Variants in ARHGEF7 observed in about 807,000 individuals in gnomAD.
ARHGEF7 encodes the protein PAK-interacting exchange factor beta.
A neutral mutation model predicts 109.8 loss-of-function variants in ARHGEF7; 33 were observed. The ratio of observed to expected loss-of-function variants is 0.30; its 90% CI spans 0.23 to 0.40. The LOEUF is 0.40. Among genes scored for constraint, ARHGEF7 ranks in the 10% least tolerant of loss-of-function variants. The pLI is 1.00. For synonymous variants in ARHGEF7, 458 were observed against 424.6 expected, an observed-to-expected ratio of 1.08 and a Z score of -0.97; for missense variants, 938 against 1,098.5, an observed-to-expected ratio of 0.85 and a Z score of 2.07.
At chr13:111,200,475 A>T (rs555977455) in intron 2 of ARHGEF7, among the ~76,000 whole-genome samples, 1 of 147,626 alleles carries the variant, frequency 6.8e-6, no homozygotes, top group African/African-American at 2.5e-5. Flanking sequence ...TTGACAATAC[A>T]CTGTGTCAGA....
chr13:111,280,750 TC>T, intron 15 of ARHGEF7, 73 bp downstream of exon 15: 4 of 1,381,900 alleles, frequency 2.9e-6, no homozygotes, highest in Non-Finnish European at 3.8e-6. Flanking sequence ...CAGCAAGTGA[TC>T]AGTTGCTTTA....
Position 111,266,640 on chromosome 13 carries a change from G to A in ARHGEF7, c.951-908G>A, listed in dbSNP as rs1156769334. On this transcript the variant is annotated intron_variant, in intron 8 of 21. Transcript: ENST00000646102. The surrounding 1 kb of genome is among the most constrained non-coding windows in gnomAD (Gnocchi z 4.8). Reference sequence around the variant, plus strand: ...CTTTGGAAGTGCTGTCCGAGAGTTGGGACTGGTTGACTCTTGTTTTCTGTA... The same window carrying A: ...CTTTGGAAGTGCTGTCCGAGAGTTGAGACTGGTTGACTCTTGTTTTCTGTA... 1.3e-5 allele frequency among the ~76,000 whole-genome samples: 2 copies of A among 152,054 alleles called. No homozygotes were observed. Among genetic ancestry groups the A allele is most frequent in the African/African-American group, 4.8e-5 (2 of 41,386 alleles).
At chr13:111,281,376 G>A (rs950672733) in intron 15 of ARHGEF7, among the ~76,000 whole-genome samples, 9 of 151,890 alleles carry the variant, frequency 5.9e-5, no homozygotes. Context: ...TGACACAGGC[G>A]TTTTCTGCTT....
intron 1 of ARHGEF7, among the ~76,000 whole-genome samples, chr13:111,135,523 G>T (rs1002465429): frequency 2.0e-5 from 3 of 152,160 alleles, no homozygotes; most frequent in African/African-American, 7.2e-5. Flanking sequence ...CACATCCCTT[G>T]TAAGTTGGAA....
chr13:111,280,143 G>A (rs2092703679), intron 13 of ARHGEF7, 129 bp from the exon 14 acceptor site: 2 of 905,146 alleles, frequency 2.2e-6, no homozygotes, highest in South Asian at 1.8e-5. Flanking sequence ...CTACAAATGA[G>A]CTTTTTTTGG....
intron 2 of ARHGEF7, among the ~76,000 whole-genome samples, chr13:111,157,148 A>G (rs2153384258): frequency 6.6e-6 from 1 of 152,304 alleles, no homozygotes; most frequent in East Asian, 1.9e-4. Context: ...AGTCGCATTT[A>G]TTGGTAAACT....
rs2087412952 is a variant in ARHGEF7 at position 111,239,596 on chromosome 13, A to G, written c.760-4276A>G. ...CTCCACCTCAATGAAGATTTCTGTT[A>G]AATCTTTTGACTCCTGAAGTCTCTG... On this transcript the variant is annotated intron_variant, in intron 6 of 21. Transcript: ENST00000646102. The surrounding 1 kb of genome is among the most constrained non-coding windows in gnomAD (Gnocchi z 4.3). 6.6e-6 allele frequency among the ~76,000 whole-genome samples: 1 copy of G among 152,006 alleles called. No individual in the cohort carries two copies. The highest frequency in any genetic ancestry group is 6.5e-5 in the Admixed American group (1 of 15,270).
At chr13:111,193,311 G>A (rs545955243) in intron 2 of ARHGEF7, among the ~76,000 whole-genome samples, 6 of 152,310 alleles carry the variant, frequency 3.9e-5, no homozygotes, top group East Asian at 1.9e-4. Context: ...GGGTCCTTCC[G>A]TAGGTATTTC....
rs1032267883 is a variant in ARHGEF7, at chr13:111,173,628, A to G, written c.252+19637A>G. On this transcript the variant is annotated intron_variant, in intron 2 of 21. Coordinates refer to ENST00000646102, the MANE Select transcript of ARHGEF7 (RefSeq NM_001354046.2). ...GGATTGCTTTCCCAGGAGGTTGGCA[A>G]TTTGGAAAGCACATTTTGGATGTGC... 3.3e-5 allele frequency among the ~76,000 whole-genome samples: 5 copies of G among 152,204 alleles called. No homozygotes were observed. In the South Asian group the frequency reaches 1.0e-3, roughly 32 times the overall value.
At position 111,241,149 on chromosome 13, in the gene ARHGEF7, G is replaced by C. The variant is rs577192637; in HGVS notation, c.760-2723G>C. The C allele has an allele frequency of 2.0e-5, 30 of 1,532,882 alleles. No individual in the cohort carries two copies. The South Asian group carries it at 3.6e-4, about 18-fold the overall frequency. 95.0% of individuals were successfully genotyped at this position (1,532,882 alleles called of 1,614,324 possible). A position where few individuals can be genotyped will look rare whatever the true frequency, so the allele number is the denominator to read the frequency against. ...CGTGACCCCCGGGAAGCTGGCACTG[G>C]CTGAGCTCAGCTCTGTGGGCCTTTC... On this transcript the variant is annotated intron_variant, in intron 6 of 21. Transcript: ENST00000646102.
At chr13:111,184,601 G>A (rs1260466983) in intron 2 of ARHGEF7, among the ~76,000 whole-genome samples, 2 of 152,232 alleles carry the variant, frequency 1.3e-5, no homozygotes, top group Admixed American at 6.5e-5. Context: ...TTTATAGGCA[G>A]CATCCAGGGC....
chr13:111,152,474 A>C (rs1201975182), intron 1 of ARHGEF7, among the ~76,000 whole-genome samples: 1 of 152,264 alleles, frequency 6.6e-6, no homozygotes, highest in African/African-American at 2.4e-5. Context: ...TTTCGATGGA[A>C]ACATGTCAGC....
chr13:111,119,765 C>T (rs988453220), intron 1 of ARHGEF7, among the ~76,000 whole-genome samples: 3 of 152,146 alleles, frequency 2.0e-5, no homozygotes, highest in African/African-American at 7.2e-5. Context: ...TCACTTTCTG[C>T]TCAGTGTCAG....
intron 5 of ARHGEF7, among the ~76,000 whole-genome samples, chr13:111,224,484 T>G (rs1594918738): frequency 6.6e-6 from 1 of 152,354 alleles, no homozygotes; most frequent in African/African-American, 2.4e-5. Context: ...GTCATTCTCC[T>G]ATTTCTGGAC....
intron 2 of ARHGEF7, among the ~76,000 whole-genome samples, chr13:111,161,372 G>C (rs1006350759): frequency 1.3e-5 from 2 of 152,204 alleles, no homozygotes; most frequent in African/African-American, 4.8e-5. Flanking sequence ...AGGGAATGTA[G>C]TGCCTGACCC....
At chr13:111,136,451 T>C (rs1475576540) in intron 1 of ARHGEF7, among the ~76,000 whole-genome samples, 1 of 152,162 alleles carries the variant, frequency 6.6e-6, no homozygotes, top group Non-Finnish European at 1.5e-5. Flanking sequence ...CACTCAAAAC[T>C]GCTCAACTAC....
chr13:111,235,815 G>A (rs562043773), intron 6 of ARHGEF7, among the ~76,000 whole-genome samples: 10 of 152,164 alleles, frequency 6.6e-5, no homozygotes, highest in Admixed American at 3.3e-4. Flanking sequence ...TTGTAGTTTC[G>A]TTTTCACAGA....
chr13:111,284,960 T>C (rs2092957935), intron 16 of ARHGEF7, among the ~76,000 whole-genome samples: 1 of 152,242 alleles, frequency 6.6e-6, no homozygotes, highest in Non-Finnish European at 1.5e-5. Flanking sequence ...TGTGTATAAA[T>C]GTGTCTTCTG....
chr13:111,114,621 C>G (rs2066631678), upstream of ARHGEF7: 1 of 152,576 alleles, frequency 6.6e-6, no homozygotes, highest in African/African-American at 2.4e-5. Flanking sequence ...TTCGGCGTCC[C>G]CGAGACGCAG....
Sources: allele counts gnomAD v4.1 joint callset (sites outside exome capture counted in the v4.1 genomes callset), GRCh38; gene constraint gnomAD v4.1.1; non-coding constraint Gnocchi (gnomAD v3.1); transcripts MANE v1.5; gene names NCBI Gene and HGNC (gene_info 2026-07-23, HGNC 2026-07-21).